The following TMEM161B variants were observed in gnomAD, a reference collection of about 807,000 sequenced individuals.
TMEM161B encodes the protein transmembrane protein 161B.
TMEM161B carries 34 observed loss-of-function variants against 61.8 expected under a neutral mutation model. The observed-to-expected ratio is 0.55, with a 90% CI of 0.42 to 0.73. TMEM161B has a LOEUF of 0.73. Ranked by LOEUF, TMEM161B falls within the 30% of genes least tolerant of loss-of-function variation. The pLI, the probability that TMEM161B is intolerant of heterozygous loss-of-function variation, is 0.00. For missense variants in TMEM161B, 456 were observed against 558.5 expected (o/e 0.82, Z 1.85); for synonymous variants, 167 against 192.8 (o/e 0.87, Z 1.11).
At chr5:88,220,416 T>C in intron 5 of TMEM161B, 147 bp downstream of exon 5, 2 of 711,002 alleles carry the variant, frequency 2.8e-6, no homozygotes, top group Non-Finnish European at 4.1e-6. Flanking sequence ...TTTACCTCTA[T>C]TACTTTGAAA....
intron 9 of TMEM161B, chr5:88,200,611 T>C (rs1744205902): frequency 6.6e-6 from 1 of 152,130 alleles, no homozygotes; most frequent in African/African-American, 2.4e-5. Context: ...AGTCATTAAA[T>C]AGTACTTTCT....
At chr5:88,227,256 G>C (rs530015156) in intron 3 of TMEM161B, among the ~76,000 whole-genome samples, 65 of 152,118 alleles carry the variant, frequency 4.3e-4, no homozygotes, top group South Asian at 8.3e-4. Flanking sequence ...TAGTTAAAAA[G>C]AAACAGAAAC....
chr5:88,254,540 A>G (rs1398268906), intron 1 of TMEM161B, among the ~76,000 whole-genome samples: 2 of 152,180 alleles, frequency 1.3e-5, no homozygotes, highest in Non-Finnish European at 2.9e-5. Flanking sequence ...AAAACATCAG[A>G]AAAATGATTG....
chr5:88,206,257 A>AAG (rs1745441262), intron 7 of TMEM161B, among the ~76,000 whole-genome samples, 182 bp downstream of exon 7: 1 of 152,116 alleles, frequency 6.6e-6, no homozygotes, highest in Non-Finnish European at 1.5e-5. Context: ...AATTTACATA[A>AAG]GAATTCTATA....
At chr5:88,201,481 C>A (rs1744396566) in intron 9 of TMEM161B, 1 of 151,946 alleles carries the variant, frequency 6.6e-6, no homozygotes, top group Non-Finnish European at 1.5e-5. Flanking sequence ...AACAAATGGA[C>A]AATTACCATA....
chr5:88,199,121 C>T lies in TMEM161B; in HGVS notation c.944G>A (p.Arg315Gln), dbSNP rs376651198. The T allele has an allele frequency of 5.0e-6, 8 of 1,611,442 alleles. No individual in the cohort carries two copies. Among genetic ancestry groups the T allele is most frequent in the Non-Finnish European group, 6.8e-6 (8 of 1,178,714 alleles). Residue 315 changes from arginine (R) to glutamine (Q), a missense_variant, in exon 10 of 12, where the codon CGA (arginine) becomes CAA (glutamine). Arg to Gln is a conservative substitution (Grantham distance 43). Coordinates refer to ENST00000296595, the MANE Select transcript of TMEM161B (RefSeq NM_153354.5). ...LMTEATFDTL[R>Q]LWLIILLCAL... ...ACACAGCAGGATTATTAACCAGAGTCGCAGAGTATCGAATGTGGCTTCTGT... is the reference window on the plus strand; with the variant it reads ...ACACAGCAGGATTATTAACCAGAGTTGCAGAGTATCGAATGTGGCTTCTGT...
At chr5:88,252,655 G>A (rs745377240) in intron 1 of TMEM161B, among the ~76,000 whole-genome samples, 4 of 152,112 alleles carry the variant, frequency 2.6e-5, no homozygotes, top group South Asian at 2.1e-4. Context: ...AACCACTGAC[G>A]GGAAAAGGTG....
intron 5 of TMEM161B, among the ~76,000 whole-genome samples, chr5:88,219,104 T>G (rs1025748354): frequency 2.6e-5 from 4 of 152,184 alleles, no homozygotes; most frequent in African/African-American, 9.7e-5. Flanking sequence ...GGAGGAAAAC[T>G]CTACTCAAGA....
At chr5:88,209,770 A>C (rs1255675060) in intron 5 of TMEM161B, among the ~76,000 whole-genome samples, 1 of 152,176 alleles carries the variant, frequency 6.6e-6, no homozygotes, top group Admixed American at 6.5e-5. Flanking sequence ...TTCATTCAAT[A>C]GTCCCCAAAT....
Position 88,206,504 on chromosome 5 carries a change from G to GA in TMEM161B, c.599-6_599-5insT. On this transcript the variant is annotated splice_region_variant and splice_polypyrimidine_tract_variant and intron_variant, in intron 6 of 11. Transcript: ENST00000296595. ...TGTCTGAAAAATTTGTAAACCCTGT[G>GA]GGGGAAAAAAAAAAAAACAACAGAT... 2 of 962,690 alleles carry GA rather than the reference G, an allele frequency of 2.1e-6. No individual in the cohort carries two copies. The allele number at this position is 962,690 out of a possible 1,614,324, so 59.6% of individuals were successfully genotyped here. A position where few individuals can be genotyped will look rare whatever the true frequency, so the allele number is the denominator to read the frequency against.
At chr5:88,202,252 C>T (rs3098676) in intron 9 of TMEM161B, 204,079 of 375,128 alleles carry the variant, frequency 0.54, 59,694 homozygotes, top group East Asian at 0.77. Context: ...TTCTACAAGG[C>T]TAACAGATCA....
At chr5:88,202,102 A>C in intron 9 of TMEM161B, 1 of 453,512 alleles carries the variant, frequency 2.2e-6, no homozygotes, top group Non-Finnish European at 4.4e-6. Context: ...CTTGTGAGTT[A>C]GATACTATTA....
intron 3 of TMEM161B, among the ~76,000 whole-genome samples, chr5:88,226,902 G>A (rs921596765): frequency 2.0e-5 from 3 of 152,096 alleles, no homozygotes; most frequent in Admixed American, 6.5e-5. Flanking sequence ...GAGGCAGGAG[G>A]ATTGCTTAAT....
At chr5:88,192,712 A>C (rs1328956258), downstream of TMEM161B, among the ~76,000 whole-genome samples, 4 of 152,228 alleles carry the variant, frequency 2.6e-5, no homozygotes. Context: ...ACACAGGATG[A>C]TCTGCATTTA....
At chr5:88,203,184 C>G in intron 8 of TMEM161B, 109 bp from the exon 9 acceptor site, 1 of 652,474 alleles carries the variant, frequency 1.5e-6, no homozygotes. Flanking sequence ...TTGCAGTATT[C>G]TACTACTTAC....
At chr5:88,220,031 T>TTC (rs1278662410) in intron 5 of TMEM161B, among the ~76,000 whole-genome samples, 2 of 151,512 alleles carry the variant, frequency 1.3e-5, no homozygotes, top group African/African-American at 4.8e-5. Flanking sequence ...ACTATTGAGG[T>TTC]TCTACCAATT....
intron 1 of TMEM161B, among the ~76,000 whole-genome samples, chr5:88,264,164 C>A (rs924190968): frequency 6.7e-5 from 10 of 149,524 alleles, no homozygotes; most frequent in East Asian, 2.0e-4. Context: ...AAAAAAAAAA[C>A]AAAACTTAAT....
chr5:88,244,077 G>T (rs1287586301), intron 1 of TMEM161B, among the ~76,000 whole-genome samples: 1 of 151,792 alleles, frequency 6.6e-6, no homozygotes, highest in African/African-American at 2.4e-5. Context: ...TCATTCTGCA[G>T]GTTGTCTGTT....
chr5:88,194,507 C>T (rs575828263), downstream of TMEM161B, among the ~76,000 whole-genome samples: 10 of 152,152 alleles, frequency 6.6e-5, no homozygotes, highest in Admixed American at 2.0e-4. Context: ...TGGATTGATA[C>T]CTAATGATGA....
Sources: allele counts gnomAD v4.1 joint callset (sites outside exome capture counted in the v4.1 genomes callset), GRCh38; gene constraint gnomAD v4.1.1; transcripts MANE v1.5; gene names NCBI Gene and HGNC (gene_info 2026-07-23, HGNC 2026-07-21).